SUCO: variants seen among roughly 807,000 people sequenced by gnomAD.
The protein encoded by SUCO is SUN domain containing ossification factor.
A neutral mutation model predicts 148.1 loss-of-function variants in SUCO; 57 were observed. That is an observed-to-expected ratio of 0.38 (90% CI 0.31 to 0.48). SUCO has a LOEUF of 0.48. SUCO is among the 20% of genes least tolerant of loss of function. The pLI is 0.96. For synonymous variants in SUCO, 470 were observed against 502.7 expected, an observed-to-expected ratio of 0.93 and a Z score of 0.87; for missense variants, 1,331 against 1,468.2, an observed-to-expected ratio of 0.91 and a Z score of 1.53.
intron 1 of SUCO, among the ~76,000 whole-genome samples, chr1:172,540,734 G>C (rs746101940): frequency 8.5e-5 from 13 of 152,158 alleles, no homozygotes; most frequent in Non-Finnish European, 1.6e-4. Flanking sequence ...ATGAATAATG[G>C]CTATTTCTTT....
At chr1:172,548,837 G>A (rs1653063707) in intron 1 of SUCO, among the ~76,000 whole-genome samples, 1 of 151,702 alleles carries the variant, frequency 6.6e-6, no homozygotes, top group Non-Finnish European at 1.5e-5. Flanking sequence ...ATTTATATGT[G>A]GTATAAAATT....
intron 12 of SUCO, 98 bp from the exon 13 acceptor site, chr1:172,577,666 A>G: frequency 1.3e-6 from 2 of 1,568,164 alleles, no homozygotes; most frequent in South Asian, 2.3e-5. Context: ...ACTTTATAGA[A>G]ATGTTTAGAA....
chr1:172,607,331 G>A (rs990847202), intron 22 of SUCO, among the ~76,000 whole-genome samples: 6 of 151,782 alleles, frequency 4.0e-5, no homozygotes, highest in Non-Finnish European at 8.8e-5. Flanking sequence ...ATGACTTGTG[G>A]TTTGTTGGGC....
intron 1 of SUCO, chr1:172,541,869 T>A: frequency 1.0e-6 from 1 of 980,088 alleles, no homozygotes; most frequent in Non-Finnish European, 1.2e-6. Context: ...TAAAGTTCAA[T>A]GAGAAAAGAA....
intron 10 of SUCO, among the ~76,000 whole-genome samples, chr1:172,574,489 G>A (rs943259369): frequency 6.6e-6 from 1 of 151,992 alleles, no homozygotes; most frequent in African/African-American, 2.4e-5. Context: ...AATATATGTT[G>A]TGAGGAATTT....
At chr1:172,557,177 C>T in intron 4 of SUCO, 103 bp from the exon 5 acceptor site, 1 of 1,424,500 alleles carries the variant, frequency 7.0e-7, no homozygotes, top group Non-Finnish European at 9.2e-7. Context: ...AATTTTCTTT[C>T]TTTGGTTTAC....
chr1:172,572,836 C>CAA (rs1655147776), intron 9 of SUCO, among the ~76,000 whole-genome samples: 1 of 150,872 alleles, frequency 6.6e-6, no homozygotes, highest in Non-Finnish European at 1.5e-5. Context: ...CTGGAGCATT[C>CAA]GTTTATCTAT....
intron 19 of SUCO, among the ~76,000 whole-genome samples, chr1:172,597,483 G>A (rs1209200265): frequency 6.6e-6 from 1 of 151,986 alleles, no homozygotes; most frequent in Non-Finnish European, 1.5e-5. Flanking sequence ...GAAACATAGA[G>A]GACTTTCCTG....
At chr1:172,536,625 T>C (rs1410515950) in intron 1 of SUCO, among the ~76,000 whole-genome samples, 1 of 152,200 alleles carries the variant, frequency 6.6e-6, no homozygotes, top group Non-Finnish European at 1.5e-5. Flanking sequence ...TAGTTTCTTA[T>C]GCCTGCTGTA....
intron 13 of SUCO, among the ~76,000 whole-genome samples, 159 bp from the exon 14 acceptor site, chr1:172,578,139 A>G (rs932608421): frequency 6.6e-6 from 1 of 151,976 alleles, no homozygotes; most frequent in Non-Finnish European, 1.5e-5. Flanking sequence ...TAATTGAAAC[A>G]GTAGATGACT....
chr1:172,588,197 T>C (rs954676835), intron 17 of SUCO: 1 of 985,362 alleles, frequency 1.0e-6, no homozygotes, highest in South Asian at 4.7e-5. Context: ...TGTTTAATGC[T>C]GTATTGGAGT....
chr1:172,570,675 A>T lies in SUCO; in HGVS notation c.994A>T (p.Ile332Phe). Reference protein sequence around the residue: ...ANPEAKSTSAILIENMDLYML... With the variant: ...ANPEAKSTSAFLIENMDLYML... The stretch of plus-strand genomic sequence containing the variant: ...CTTTTTAAAATAGAGCACATCTGCT[A>T]TTCTTATAGAAAATATGGATCTTTA... Residue 332 changes from isoleucine (I) to phenylalanine (F), a missense_variant, in exon 9 of 24, where the codon ATT becomes TTT. Transcript: ENST00000263688. The T allele has an allele frequency of 2.5e-6, 4 of 1,600,780 alleles. No homozygotes were observed. Among genetic ancestry groups the T allele is most frequent in the Non-Finnish European group, 3.4e-6 (4 of 1,168,786 alleles).
At chr1:172,586,832 A>G (rs1395662705) in intron 17 of SUCO, among the ~76,000 whole-genome samples, 1 of 152,168 alleles carries the variant, frequency 6.6e-6, no homozygotes, top group Non-Finnish European at 1.5e-5. Flanking sequence ...TGAGAAAATT[A>G]TATTATCCTG....
Position 172,564,400 on chromosome 1 carries a change from GC to G in SUCO, c.733-4616del, listed in dbSNP as rs1395059889. Among the ~76,000 whole-genome samples, 6 of 152,342 alleles carry G rather than the reference GC, an allele frequency of 3.9e-5. No individual in the cohort carries two copies. The East Asian group carries it at 1.2e-3, about 29-fold the overall frequency. ...CCTGCAGAACCACAGGGGTGGAGCT[GC>G]CCAGGGCCTTGGTGATGAATGAGTT... On this transcript the variant is annotated intron_variant, in intron 6 of 23. Coordinates refer to ENST00000263688, the MANE Select transcript of SUCO (RefSeq NM_014283.5).
chr1:172,572,049 C>T (rs1485077736), intron 9 of SUCO, among the ~76,000 whole-genome samples: 1 of 71,978 alleles, frequency 1.4e-5, no homozygotes, highest in Admixed American at 1.2e-4. Context: ...GCCCCCCGCC[C>T]GGCCAGCCGC....
Position 172,610,217 on chromosome 1 carries a change from C to G in SUCO, c.3723C>G (p.Thr1241=), listed in dbSNP as rs757515744. ...HDIIKGNKEI[T]VGTFGVTAVS... is the part of the protein sequence containing the mutation. ...TAATCAAAGGAAACAAAGAGATCAC[C>G]GTGGGAACATTTGGTGTTACAGCAG... Residue 1241 remains threonine (T), a synonymous_variant, in exon 24 of 24, where the codon ACC becomes ACG. Coordinates refer to ENST00000263688, the MANE Select transcript of SUCO (RefSeq NM_014283.5). 1 of 1,608,290 alleles carries G rather than the reference C, an allele frequency of 6.2e-7. No individual in the cohort carries two copies. Among genetic ancestry groups the G allele is most frequent in the Admixed American group, 1.7e-5 (1 of 58,840 alleles).
At position 172,550,634 on chromosome 1, in the gene SUCO, G is replaced by T. The variant is rs527472520; in HGVS notation, c.63-878G>T. On this transcript the variant is annotated intron_variant, in intron 1 of 23. Transcript: ENST00000263688. ...ATGTTTTGTAATGCTAATGAAAATG[G>T]ACATTCTTGTCTTATTTCAGATCTA... 3.9e-5 allele frequency among the ~76,000 whole-genome samples: 6 copies of T among 151,934 alleles called. 1 individual carries two copies. Among genetic ancestry groups the T allele is most frequent in the Admixed American group, 3.9e-4 (6 of 15,260 alleles).
At chr1:172,582,659 A>G (rs549061468) in intron 15 of SUCO, among the ~76,000 whole-genome samples, 1 of 152,268 alleles carries the variant, frequency 6.6e-6, no homozygotes, top group South Asian at 2.1e-4. Flanking sequence ...TATACAAACT[A>G]TCATGTGTTT....
rs1036180910 is a variant in SUCO at position 172,573,828 on chromosome 1, T to C, written c.1050-63T>C. 8.8e-6 allele frequency: 8 copies of C among 909,084 alleles called. No homozygotes were observed. The African/African-American group carries it at 1.3e-4, about 15-fold the overall frequency. 56.3% of individuals were successfully genotyped at this position (909,084 alleles called of 1,614,324 possible). ...GTCTAATTTATGGAAACTGTTAATG[T>C]CATATTTAATATGAACTGTTATTTT... On this transcript the variant is annotated intron_variant, in intron 9 of 23. Transcript: ENST00000263688.
Sources: allele counts gnomAD v4.1 joint callset (sites outside exome capture counted in the v4.1 genomes callset), GRCh38; gene constraint gnomAD v4.1.1; transcripts MANE v1.5; gene names NCBI Gene and HGNC (gene_info 2026-07-23, HGNC 2026-07-21).